Variants in ABCC4 observed in about 807,000 individuals in gnomAD.
The protein encoded by ABCC4 is ATP-binding cassette sub-family C member 4.
A neutral mutation model predicts 168.5 loss-of-function variants in ABCC4; 102 were observed. That is an observed-to-expected ratio of 0.61 (90% CI 0.52 to 0.71). The LOEUF (loss-of-function observed/expected upper bound fraction) is 0.71, where lower values mean the gene tolerates loss of function less well. ABCC4 is among the 30% of genes least tolerant of loss of function. The pLI is 0.00. For synonymous variants in ABCC4, 617 were observed against 590.7 expected, an observed-to-expected ratio of 1.04 and a Z score of -0.65; for missense variants, 1,402 against 1,605.8, an observed-to-expected ratio of 0.87 and a Z score of 2.17.
chr13:95,032,275 C>T (rs1175848282), intron 30 of ABCC4, among the ~76,000 whole-genome samples: 1 of 152,230 alleles, frequency 6.6e-6, no homozygotes, highest in Admixed American at 6.5e-5. Context: ...TTCCTTCCCT[C>T]TCTATGCCTC....
At chr13:95,043,930 G>A (rs1348010375) in intron 28 of ABCC4, 143 bp from the exon 29 acceptor site, 2 of 637,292 alleles carry the variant, frequency 3.1e-6, no homozygotes, top group Admixed American at 3.0e-5. Flanking sequence ...AAATGTTTTA[G>A]GACAATCTTA....
At chr13:95,166,476 T>C (rs919089724) in intron 14 of ABCC4, 109 bp from the exon 15 acceptor site, 2 of 931,822 alleles carry the variant, frequency 2.1e-6, no homozygotes, top group African/African-American at 3.3e-5. Context: ...TGATTATACT[T>C]AGGTCCGGAA....
Position 95,250,853 on chromosome 13 carries a change from G to A in ABCC4, c.75-3100C>T, listed in dbSNP as rs115513846. Among the ~76,000 whole-genome samples, 994 of 142,874 alleles carry A rather than the reference G, an allele frequency of 7.0e-3. 14 individuals carry two copies. Among genetic ancestry groups the A allele is most frequent in the African/African-American group, 0.024 (914 of 38,544 alleles). 93.7% of individuals were successfully genotyped at this position (142,874 alleles called of 152,430 possible). ...GAGCGATCAGAGCTCACTCAGATCC[G>A]ATCAGAGCTCAGCAGTCTCAAACTT... On this transcript the variant is annotated intron_variant, in intron 1 of 30. Transcript: ENST00000645237.
intron 4 of ABCC4, among the ~76,000 whole-genome samples, chr13:95,220,768 C>G (rs1008660725): frequency 6.6e-6 from 1 of 152,132 alleles, no homozygotes; most frequent in East Asian, 1.9e-4. Context: ...AGCCCTGTGC[C>G]CACAGCTATT....
chr13:95,206,619 A>G lies in ABCC4; in HGVS notation c.1074T>C (p.Tyr358=). 1 of 1,614,156 alleles carries G rather than the reference A, an allele frequency of 6.2e-7. No individual in the cohort carries two copies. Reference sequence around the variant, plus strand: ...GGGTAACCGTCAGCCGCACAGCCCCATACAGCGTCACTGCCACGAACACGC... The same window carrying G: ...GGGTAACCGTCAGCCGCACAGCCCCGTACAGCGTCACTGCCACGAACACGC... ...ASRVFVAVTL[Y]GAVRLTVTLF... is the part of the protein sequence containing the mutation. Residue 358 remains tyrosine (Y), a synonymous_variant, in exon 8 of 31, where the codon TAT becomes TAC. Transcript: ENST00000645237.
chr13:95,162,412 A>G (rs1321820464), intron 18 of ABCC4, among the ~76,000 whole-genome samples: 1 of 152,252 alleles, frequency 6.6e-6, no homozygotes, highest in Admixed American at 6.5e-5. Flanking sequence ...GATTTTCTTT[A>G]AACAGTATGT....
chr13:95,083,976 A>G (rs1384371898), intron 20 of ABCC4, among the ~76,000 whole-genome samples: 1 of 152,228 alleles, frequency 6.6e-6, no homozygotes, highest in Non-Finnish European at 1.5e-5. Context: ...GCAAGCAGGC[A>G]TCATAGACAA....
At chr13:95,263,326 A>G (rs964705428) in intron 1 of ABCC4, among the ~76,000 whole-genome samples, 1 of 152,182 alleles carries the variant, frequency 6.6e-6, no homozygotes, top group Non-Finnish European at 1.5e-5. Context: ...CCTGGAAGCA[A>G]TGGTTCAGTA....
At chr13:95,162,341 C>G (rs915833026) in intron 18 of ABCC4, among the ~76,000 whole-genome samples, 1 of 152,160 alleles carries the variant, frequency 6.6e-6, no homozygotes, top group Non-Finnish European at 1.5e-5. Context: ...ATAACTCACT[C>G]TATCTCTGAG....
At chr13:95,116,822 T>A (rs1266604989) in intron 19 of ABCC4, among the ~76,000 whole-genome samples, 2 of 152,220 alleles carry the variant, frequency 1.3e-5, no homozygotes, top group African/African-American at 2.4e-5. Flanking sequence ...ATAGCCTACG[T>A]GGATGCAGGT....
At chr13:95,197,653 A>T (rs763801145) in intron 8 of ABCC4, among the ~76,000 whole-genome samples, 8 of 152,242 alleles carry the variant, frequency 5.3e-5, no homozygotes, top group Non-Finnish European at 1.2e-4. Flanking sequence ...GGGAAGTATC[A>T]GACGGCAGAA....
chr13:95,077,919 T>G (rs1163801661), intron 21 of ABCC4, among the ~76,000 whole-genome samples: 1 of 151,998 alleles, frequency 6.6e-6, no homozygotes, highest in Non-Finnish European at 1.5e-5. Flanking sequence ...CACAGTTCCG[T>G]AAGTGAAGGA....
intron 30 of ABCC4, among the ~76,000 whole-genome samples, chr13:95,026,083 T>C (rs12873440): frequency 0.1 from 15,573 of 151,896 alleles, 1,042 homozygotes; most frequent in Admixed American, 0.17. Context: ...CTTGTAAAAC[T>C]ACAAGAATTA....
chr13:95,207,691 T>C, intron 7 of ABCC4, 109 bp downstream of exon 7: 2 of 1,181,656 alleles, frequency 1.7e-6, no homozygotes, highest in Non-Finnish European at 2.4e-6. Flanking sequence ...TGGGATGGAT[T>C]GTACTGAACT....
At chr13:95,104,426 A>G (rs144411098) in intron 20 of ABCC4, among the ~76,000 whole-genome samples, 1 of 152,172 alleles carries the variant, frequency 6.6e-6, no homozygotes, top group Non-Finnish European at 1.5e-5. Flanking sequence ...GATGTTGGAG[A>G]TTTTCATGGT....
intron 8 of ABCC4, among the ~76,000 whole-genome samples, chr13:95,199,485 T>C (rs9516532): frequency 0.28 from 42,070 of 152,056 alleles, 7,461 homozygotes; most frequent in Non-Finnish European, 0.4. Context: ...CAAAGCCAAA[T>C]TCATCCCCAA....
intron 8 of ABCC4, among the ~76,000 whole-genome samples, chr13:95,196,894 G>A: frequency 6.6e-6 from 1 of 152,078 alleles, no homozygotes. Context: ...ACTCCCTAAG[G>A]ATCTTCTGAA....
chr13:95,247,038 T>C lies in ABCC4; in HGVS notation c.243A>G (p.Thr81=), dbSNP rs1398193917. The change falls in exon 3 of 31, where the codon ACA becomes ACG. Residue 81 remains threonine (T), a synonymous_variant. Transcript: ENST00000645237. ...AENDAQKPSL[T]RAIIKCYWKS... ...TCCAGTAACACTTTATGATTGCTCTTGTTAAAGAAGGCTTCTGTGCGTCAT... is the reference window on the plus strand; with the variant it reads ...TCCAGTAACACTTTATGATTGCTCTCGTTAAAGAAGGCTTCTGTGCGTCAT... The C allele has an allele frequency of 6.2e-7, 1 of 1,613,058 alleles. No individual in the cohort carries two copies. The highest frequency in any genetic ancestry group is 1.1e-5 in the South Asian group (1 of 91,044).
chr13:95,083,049 G>A (rs2034147110), intron 21 of ABCC4, 91 bp downstream of exon 21: 3 of 1,402,386 alleles, frequency 2.1e-6, no homozygotes, highest in African/African-American at 1.4e-5. Context: ...CTGGAAGACA[G>A]AGTCTGCCGA....
Sources: allele counts gnomAD v4.1 joint callset (sites outside exome capture counted in the v4.1 genomes callset), GRCh38; gene constraint gnomAD v4.1.1; transcripts MANE v1.5; gene names NCBI Gene and HGNC (gene_info 2026-07-23, HGNC 2026-07-21).